Variants in FAM47E observed in about 807,000 individuals in gnomAD.
The protein encoded by FAM47E is family with sequence similarity 47 member E.
In FAM47E, 32 loss-of-function variants were observed where a neutral mutation model predicts 41.6. The ratio of observed to expected loss-of-function variants is 0.77; its 90% CI spans 0.58 to 1.03. The LOEUF (loss-of-function observed/expected upper bound fraction) is 1.03, where lower values mean the gene tolerates loss of function less well. Ranked by LOEUF, FAM47E falls within the 50% of genes least tolerant of loss-of-function variation. FAM47E has a pLI of 0.00. For synonymous variants in FAM47E, 184 were observed against 188.7 expected (o/e 0.98, Z 0.20); for missense variants, 424 against 485.4 (o/e 0.87, Z 1.19).
intron 5 of FAM47E, among the ~76,000 whole-genome samples, chr4:76,276,885 G>A (rs1354615266): frequency 2.0e-5 from 3 of 152,104 alleles, no homozygotes; most frequent in Non-Finnish European, 2.9e-5. Context: ...TTTCCCTCCC[G>A]TCTCCTCTGT....
chr4:76,276,171 T>C (rs746007227), intron 5 of FAM47E, among the ~76,000 whole-genome samples: 1 of 152,186 alleles, frequency 6.6e-6, no homozygotes, highest in Non-Finnish European at 1.5e-5. Context: ...GCACCCATTA[T>C]GTCCTAAGTA....
chr4:76,255,692 G>A (rs1000777772), intron 1 of FAM47E, among the ~76,000 whole-genome samples: 6 of 152,142 alleles, frequency 3.9e-5, no homozygotes, highest in African/African-American at 9.7e-5. Flanking sequence ...TTCACAAAGC[G>A]AATGGAGAGA....
At position 76,278,112 on chromosome 4, in the gene FAM47E, G is replaced by A; in HGVS notation, c.914G>A (p.Trp305Ter). Residue 305 changes from tryptophan to a stop codon, truncating the protein, a stop_gained, in exon 6 of 8, where the codon TGG becomes TAG. Coordinates refer to ENST00000424749, the MANE Select transcript of FAM47E (RefSeq NM_001136570.3). LOFTEE classifies it high-confidence loss of function. ...PKWVKMRYGA[W>*]YLNPKLWKKQ... ...TGGGTGAAGATGAGGTATGGAGCAT[G>A]GTATTTGAACCCCAAGTTGTGGAAA... is the stretch of plus-strand genomic sequence containing the variant. 9.0e-6 allele frequency: 14 copies of A among 1,550,178 alleles called. No homozygotes were observed. Among genetic ancestry groups the A allele is most frequent in the Non-Finnish European group, 1.2e-5 (14 of 1,146,538 alleles).
At chr4:76,269,664 T>A (rs945019234) in intron 4 of FAM47E, 2 of 152,040 alleles carry the variant, frequency 1.3e-5, no homozygotes, top group Admixed American at 6.6e-5. Context: ...GGCATGATGG[T>A]GTGCCCCTTC....
intron 2 of FAM47E, among the ~76,000 whole-genome samples, chr4:76,260,489 G>A (rs1014075452): frequency 6.6e-6 from 1 of 152,168 alleles, no homozygotes; most frequent in Admixed American, 6.5e-5. Context: ...AATAAATGAT[G>A]CTGGGAAAAC....
rs528471853 is a variant in FAM47E, at chr4:76,275,873, C to A, written c.871-2196C>A. On this transcript the variant is annotated intron_variant, in intron 5 of 7. Transcript: ENST00000424749. Reference sequence around the variant, plus strand: ...CATTTCAGTGGTTCACATCTGAGGGCAATTTGCCCCCCTTCCTCCACCTCA... The same window carrying A: ...CATTTCAGTGGTTCACATCTGAGGGAAATTTGCCCCCCTTCCTCCACCTCA... Among the ~76,000 whole-genome samples the A allele has an allele frequency of 2.0e-4, 30 of 152,240 alleles. No homozygotes were observed. In the South Asian group the frequency reaches 6.2e-3, roughly 32 times the overall value.
intron 5 of FAM47E, among the ~76,000 whole-genome samples, chr4:76,272,416 T>TC (rs1734929571): frequency 6.6e-6 from 1 of 152,216 alleles, no homozygotes; most frequent in Non-Finnish European, 1.5e-5. Flanking sequence ...GGAGAGCCCT[T>TC]CCCTGAAAAT....
chr4:76,235,784 C>T (rs1560732347), intron 2 of FAM47E, among the ~76,000 whole-genome samples: 2 of 152,216 alleles, frequency 1.3e-5, no homozygotes, highest in South Asian at 2.1e-4. Context: ...TGCATTGTAA[C>T]GCTAATATTT....
At chr4:76,238,255 GT>G in intron 2 of FAM47E, among the ~76,000 whole-genome samples, 1 of 152,308 alleles carries the variant, frequency 6.6e-6, no homozygotes, top group South Asian at 2.1e-4. Flanking sequence ...GTTACTTTGG[GT>G]TAGCCTGGCG....
chr4:76,270,497 G>A (rs557062771), intron 4 of FAM47E, among the ~76,000 whole-genome samples: 90 of 152,324 alleles, frequency 5.9e-4, no homozygotes, highest in Non-Finnish European at 1.1e-3. Flanking sequence ...GAGGGTGATT[G>A]AAGCGGGGAT....
chr4:76,231,885 G>A (rs1733499659), intron 2 of FAM47E, among the ~76,000 whole-genome samples: 1 of 152,190 alleles, frequency 6.6e-6, no homozygotes, highest in African/African-American at 2.4e-5. Flanking sequence ...TCCCCACTGG[G>A]ATTTTATTGG....
intron 2 of FAM47E, among the ~76,000 whole-genome samples, chr4:76,237,350 AGT>A (rs1733607066): frequency 1.9e-5 from 1 of 52,364 alleles, no homozygotes. Context: ...GGGGCCTTAG[AGT>A]TTTTTTTTTT....
intron 1 of FAM47E, among the ~76,000 whole-genome samples, chr4:76,254,320 G>T (rs569858535): frequency 6.6e-6 from 1 of 152,204 alleles, no homozygotes; most frequent in African/African-American, 2.4e-5. Context: ...TTGGATGCAT[G>T]AGTTAGTTGT....
At chr4:76,274,936 A>C (rs1055477621) in intron 5 of FAM47E, among the ~76,000 whole-genome samples, 1 of 152,140 alleles carries the variant, frequency 6.6e-6, no homozygotes, top group Non-Finnish European at 1.5e-5. Flanking sequence ...CAGAGAGTCC[A>C]TTGGGCTCCT....
chr4:76,250,909 T>A (rs1466834135), upstream of FAM47E, among the ~76,000 whole-genome samples: 1 of 152,162 alleles, frequency 6.6e-6, no homozygotes, highest in Admixed American at 6.5e-5. Context: ...AATTTCTTTA[T>A]ATTCATCGAA....
At chr4:76,214,286 CA>C (rs1241851071) in exon 1 of FAM47E, 1 of 456,000 alleles carries the variant, frequency 2.2e-6, no homozygotes, top group East Asian at 7.0e-5. Context: ...TGCCAGCAAG[CA>C]TGTTCTGCCT....
chr4:76,236,369 G>C (rs560277658), intron 2 of FAM47E: 1 of 152,222 alleles, frequency 6.6e-6, no homozygotes, highest in East Asian at 1.9e-4. Context: ...ATGATCAAAG[G>C]TGATCTGTGA....
At chr4:76,276,150 A>G (rs1056514729) in intron 5 of FAM47E, among the ~76,000 whole-genome samples, 5 of 152,264 alleles carry the variant, frequency 3.3e-5, no homozygotes, top group Admixed American at 6.5e-5. Flanking sequence ...CATTCAACAA[A>G]TACTTATTAA....
intron 2 of FAM47E, among the ~76,000 whole-genome samples, chr4:76,258,491 A>G (rs1447317109): frequency 3.3e-5 from 5 of 152,170 alleles, no homozygotes; most frequent in Admixed American, 3.3e-4. Flanking sequence ...GGCAGTCAAA[A>G]ACCACAGAAA....
Sources: allele counts gnomAD v4.1 joint callset (sites outside exome capture counted in the v4.1 genomes callset), GRCh38; gene constraint gnomAD v4.1.1; transcripts MANE v1.5; gene names NCBI Gene and HGNC (gene_info 2026-07-23, HGNC 2026-07-21).